WDR7: variants seen among roughly 807,000 people sequenced by gnomAD.
WDR7 encodes the protein WD repeat-containing protein 7.
In WDR7, 46 loss-of-function variants were observed where a neutral mutation model predicts 169.4. The observed-to-expected ratio is 0.27, with a 90% CI of 0.21 to 0.35. The LOEUF is 0.35. Among genes scored for constraint, WDR7 ranks in the 10% least tolerant of loss-of-function variants. The probability of loss-of-function intolerance (pLI) is 1.00; values close to 1 mark genes in which losing one functional copy is unlikely to be tolerated. For synonymous variants in WDR7, 612 were observed against 666.8 expected (o/e 0.92, Z 1.27); for missense variants, 1,534 against 1,859.3 (o/e 0.83, Z 3.22).
chr18:56,809,303 G>T (rs2145190818), intron 19 of WDR7, among the ~76,000 whole-genome samples: 1 of 151,754 alleles, frequency 6.6e-6, no homozygotes. Flanking sequence ...TTTCCCCAAA[G>T]TACCCTTACT....
At chr18:56,924,894 G>A (rs944072514) in intron 22 of WDR7, among the ~76,000 whole-genome samples, 1 of 152,168 alleles carries the variant, frequency 6.6e-6, no homozygotes, top group Admixed American at 6.5e-5. Context: ...CCCCACAGAA[G>A]TCACCCTGAA....
At chr18:56,887,553 A>G (rs192463908) in intron 21 of WDR7, among the ~76,000 whole-genome samples, 49 of 151,812 alleles carry the variant, frequency 3.2e-4, no homozygotes, top group Middle Eastern at 6.8e-3. Context: ...AAATGTGTAG[A>G]ATGTCCTTGA....
At chr18:56,789,434 A>C (rs146052382) in intron 19 of WDR7, among the ~76,000 whole-genome samples, 286 of 152,362 alleles carry the variant, frequency 1.9e-3, no homozygotes, top group African/African-American at 6.6e-3. Context: ...ACTCCTCCGC[A>C]CAAGCGGTCC....
chr18:56,757,966 C>T (rs552266238), intron 15 of WDR7, among the ~76,000 whole-genome samples: 12 of 141,494 alleles, frequency 8.5e-5, no homozygotes, highest in Admixed American at 1.4e-4. Context: ...AAGACTCTGT[C>T]TCAAAAAAAA....
intron 20 of WDR7, among the ~76,000 whole-genome samples, chr18:56,845,040 C>T (rs925730319): frequency 1.3e-4 from 20 of 152,066 alleles, no homozygotes; most frequent in South Asian, 4.1e-4. Context: ...GGATTTGGTG[C>T]TATCTGAGGT....
At chr18:56,930,035 G>A (rs1294404830) in intron 22 of WDR7, among the ~76,000 whole-genome samples, 8 of 152,156 alleles carry the variant, frequency 5.3e-5, no homozygotes, top group Non-Finnish European at 1.0e-4. Flanking sequence ...CTCTGAAAGA[G>A]AACAGTGGAG....
At chr18:56,659,363 A>G (rs547876484) in intron 1 of WDR7, among the ~76,000 whole-genome samples, 48 of 152,342 alleles carry the variant, frequency 3.2e-4, no homozygotes, top group African/African-American at 1.1e-3. Flanking sequence ...AACATATTTC[A>G]TTCACTAGTT....
In WDR7 at chr18:56,784,771, T is replaced by C. The variant is rs150826898; in HGVS notation, c.3190+3115T>C. On this transcript the variant is annotated intron_variant, in intron 19 of 27. Transcript: ENST00000254442. The stretch of plus-strand genomic sequence containing the variant: ...TGTTCTTATGTCATATTTAAACCTT[T>C]CTGTTTATGTATTATGTTTATGTTG... Among the ~76,000 whole-genome samples the C allele has an allele frequency of 5.6e-3, 853 of 152,330 alleles. 3 individuals are homozygous for C. The highest frequency in any genetic ancestry group is 7.9e-3 in the Non-Finnish European group (537 of 68,022).
At chr18:56,672,802 T>C in intron 2 of WDR7, 128 bp downstream of exon 2, 1 of 912,866 alleles carries the variant, frequency 1.1e-6, no homozygotes, top group East Asian at 2.9e-5. Context: ...TGACTAAAAC[T>C]AGTAGTATAC....
chr18:56,925,673 G>A (rs77018264), intron 22 of WDR7, among the ~76,000 whole-genome samples: 5,657 of 152,266 alleles, frequency 0.037, 135 homozygotes, highest in Non-Finnish European at 0.053. Flanking sequence ...TGCTCAGGAA[G>A]TAGAGACCAG....
chr18:56,821,200 G>A lies in WDR7; in HGVS notation c.3304+5056G>A, dbSNP rs534453709. Among the ~76,000 whole-genome samples the A allele has an allele frequency of 3.3e-5, 5 of 152,248 alleles. No individual in the cohort carries two copies. In the East Asian group the frequency reaches 9.6e-4, roughly 29 times the overall value. On this transcript the variant is annotated intron_variant, in intron 20 of 27. Coordinates refer to ENST00000254442, the MANE Select transcript of WDR7 (RefSeq NM_015285.3). The stretch of plus-strand genomic sequence containing the variant: ...AGAAGAAGAAGAAGTAAATAAATAT[G>A]CAGTATATTAGAAGATGAGAGCTGC...
chr18:56,800,001 G>A (rs1255899026), intron 19 of WDR7, among the ~76,000 whole-genome samples: 1 of 152,132 alleles, frequency 6.6e-6, no homozygotes, highest in East Asian at 1.9e-4. Flanking sequence ...TAGCCTAAGA[G>A]TAGGCTGCCT....
intron 14 of WDR7, among the ~76,000 whole-genome samples, chr18:56,735,697 T>A (rs986682192): frequency 6.6e-6 from 1 of 152,210 alleles, no homozygotes; most frequent in Non-Finnish European, 1.5e-5. Flanking sequence ...ACTCTTTCTA[T>A]AAAGGGCTAG....
At chr18:56,786,385 C>T (rs959858837) in intron 19 of WDR7, among the ~76,000 whole-genome samples, 5 of 152,058 alleles carry the variant, frequency 3.3e-5, no homozygotes, top group Middle Eastern at 3.4e-3. Flanking sequence ...AAAATTTAGC[C>T]GGGCATGGCT....
chr18:56,868,265 C>A (rs1013152741), intron 20 of WDR7, among the ~76,000 whole-genome samples: 1 of 151,838 alleles, frequency 6.6e-6, no homozygotes, highest in Non-Finnish European at 1.5e-5. Context: ...TTTATTATTG[C>A]GATATAATTT....
At chr18:56,888,054 C>G (rs1159095017) in intron 21 of WDR7, among the ~76,000 whole-genome samples, 1 of 152,128 alleles carries the variant, frequency 6.6e-6, no homozygotes, top group Non-Finnish European at 1.5e-5. Context: ...ATTTAATGAA[C>G]TTTAATTGCT....
At chr18:56,959,979 G>A (rs1275076826) in intron 25 of WDR7, among the ~76,000 whole-genome samples, 6 of 152,148 alleles carry the variant, frequency 3.9e-5, no homozygotes, top group African/African-American at 1.4e-4. Flanking sequence ...GGAAGTGACT[G>A]CGTACATACC....
At chr18:56,862,542 T>G (rs1311392538) in intron 20 of WDR7, among the ~76,000 whole-genome samples, 1 of 151,734 alleles carries the variant, frequency 6.6e-6, no homozygotes, top group Non-Finnish European at 1.5e-5. Flanking sequence ...TTTTATATCT[T>G]TACATTTCAG....
chr18:56,913,054 T>C (rs1418887942), intron 21 of WDR7, among the ~76,000 whole-genome samples: 1 of 151,904 alleles, frequency 6.6e-6, no homozygotes. Context: ...AAGAATTTTT[T>C]GTAGAGACAG....
Sources: gnomAD v4.1 joint callset for allele counts (sites outside exome capture counted in the v4.1 genomes callset) on GRCh38, gnomAD v4.1.1 for gene constraint, MANE v1.5 for transcripts, NCBI Gene and HGNC (gene_info 2026-07-23, HGNC 2026-07-21) for gene names.